Variants in BCL2L15 observed in about 807,000 individuals in gnomAD.
BCL2L15 encodes BCL2 like 15, also known as bcl-2-like protein 15.
In BCL2L15, 15 loss-of-function variants were observed where a neutral mutation model predicts 18.3. That is an observed-to-expected ratio of 0.82 (90% CI 0.55 to 1.26). The LOEUF (loss-of-function observed/expected upper bound fraction) is 1.26, where lower values mean the gene tolerates loss of function less well. BCL2L15 is among the 50% of genes most tolerant of loss of function. The probability of loss-of-function intolerance (pLI) is 0.00; values close to 1 mark genes in which losing one functional copy is unlikely to be tolerated. For synonymous variants in BCL2L15, 58 were observed against 68.5 expected (o/e 0.85, Z 0.76); for missense variants, 180 against 201.7 (o/e 0.89, Z 0.65).
rs546717433 is a variant in BCL2L15, at chr1:113,884,781, G to GT, written c.249+1755dup. Among the ~76,000 whole-genome samples the GT allele has an allele frequency of 1.7e-3, 256 of 146,652 alleles. 4 individuals are homozygous for GT. In the East Asian group the frequency reaches 0.038, roughly 22 times the overall value. ...TCAAATTATTTATTTATTTATTTAT[G>GT]TTTTTTTTTTGGAGACAGAGTCTTG... On this transcript the variant is annotated intron_variant, in intron 2 of 3. Coordinates refer to ENST00000393316, the MANE Select transcript of BCL2L15 (RefSeq NM_001010922.3).
At position 113,876,846 on chromosome 1, in the gene BCL2L15, A is replaced by C. The variant is rs1666742142; in HGVS notation, c.*4277T>G. Among the ~76,000 whole-genome samples the C allele has an allele frequency of 6.6e-6, 1 of 152,184 alleles. No individual in the cohort carries two copies. The highest frequency in any genetic ancestry group is 1.5e-5 in the Non-Finnish European group (1 of 68,038). On this transcript the variant is annotated 3_prime_UTR_variant, in exon 4 of 4. Transcript: ENST00000393316. ...CAATCAGCTATTCATTCATTTAATGAATATTTTTAATATCGATGTACATGC... is the reference window on the plus strand; with the variant it reads ...CAATCAGCTATTCATTCATTTAATGCATATTTTTAATATCGATGTACATGC...
rs1185374233 is a variant in BCL2L15 at position 113,879,913 on chromosome 1, G to C, written c.*1210C>G. On this transcript the variant is annotated 3_prime_UTR_variant, in exon 4 of 4. Transcript: ENST00000393316. Reference sequence around the variant, plus strand: ...GTAATTTATCAATCTATTCTCTATAGTGATGGCTGTCACACTCTATATGTA... The same window carrying C: ...GTAATTTATCAATCTATTCTCTATACTGATGGCTGTCACACTCTATATGTA... The C allele has an allele frequency of 1.3e-5, 2 of 152,168 alleles. No individual in the cohort carries two copies. Among genetic ancestry groups the C allele is most frequent in the East Asian group, 3.9e-4 (2 of 5,192 alleles). The allele number at this position is 152,168 out of a possible 1,614,324, so 9.4% of individuals were successfully genotyped here.
chr1:113,885,250 C>T (rs1435043049), intron 2 of BCL2L15, among the ~76,000 whole-genome samples: 2 of 131,924 alleles, frequency 1.5e-5, no homozygotes, highest in African/African-American at 2.5e-5. Context: ...GCCACAGCAC[C>T]CAGCCAAAAA....
chr1:113,882,846 T>G (rs1217422), intron 2 of BCL2L15, among the ~76,000 whole-genome samples: 115,233 of 151,848 alleles, frequency 0.76, 44,741 homozygotes, highest in African/African-American at 0.93. Context: ...AGGCTGAGGT[T>G]GGAGGATCAC....
rs987696856 is a variant in BCL2L15, at chr1:113,877,086, T to C, written c.*4037A>G. Among the ~76,000 whole-genome samples, 4 of 152,156 alleles carry C rather than the reference T, an allele frequency of 2.6e-5. No individual in the cohort carries two copies. The South Asian group carries it at 8.3e-4, about 32-fold the overall frequency. Reference sequence around the variant, plus strand: ...GATAGCCTTCATGGAGAAGGCTTCATGACAGTTGGGTTGGGTCTTGAAGAT... The same window carrying C: ...GATAGCCTTCATGGAGAAGGCTTCACGACAGTTGGGTTGGGTCTTGAAGAT... On this transcript the variant is annotated 3_prime_UTR_variant, in exon 4 of 4. Coordinates refer to ENST00000393316, the MANE Select transcript of BCL2L15 (RefSeq NM_001010922.3).
chr1:113,881,986 T>C lies in BCL2L15; in HGVS notation c.261A>G (p.Ile87Met), dbSNP rs1666892071. Reference sequence around the variant, plus strand: ...TGAGAGATTCCACAGTGTCCTGGAGTATAGCTCCTGTCTGAGGAAAGACAA... The same window carrying C: ...TGAGAGATTCCACAGTGTCCTGGAGCATAGCTCCTGTCTGAGGAAAGACAA... Reference protein sequence around the residue: ...AETIKGQTGAILQDTVESLSK... With the variant: ...AETIKGQTGAMLQDTVESLSK... Residue 87 changes from isoleucine (I) to methionine (M), a missense_variant, in exon 3 of 4, where the codon ATA (isoleucine) becomes ATG (methionine). Coordinates refer to ENST00000393316, the MANE Select transcript of BCL2L15 (RefSeq NM_001010922.3). The C allele has an allele frequency of 1.2e-6, 2 of 1,612,762 alleles. No individual in the cohort carries two copies. The highest frequency in any genetic ancestry group is 1.1e-5 in the South Asian group (1 of 90,986).
At chr1:113,883,222 C>T (rs1666932688) in intron 2 of BCL2L15, among the ~76,000 whole-genome samples, 1 of 152,100 alleles carries the variant, frequency 6.6e-6, no homozygotes. Flanking sequence ...GTGGCTCAGG[C>T]CTGTAATCCC....
intron 2 of BCL2L15, among the ~76,000 whole-genome samples, chr1:113,886,016 C>T (rs897575123): frequency 2.0e-5 from 3 of 151,222 alleles, no homozygotes; most frequent in South Asian, 2.1e-4. Flanking sequence ...AAGACCAGCC[C>T]GGGCAACATG....
rs757880844 is a variant in BCL2L15 at position 113,887,293 on chromosome 1, T to A, written c.83A>T (p.Gln28Leu). Residue 28 changes from glutamine to leucine, a missense_variant, in exon 1 of 4, where the codon CAG becomes CTG. Transcript: ENST00000393316. ...ACAGCATAGGTTCCGGCTGGCAACC[T>A]GCAATGTTGGGCTCAAGAAGTCCAT... ...LLMDFLSPTLQVASRNLCCVD... is the reference protein window; with the variant it reads ...LLMDFLSPTLLVASRNLCCVD... 3 of 1,614,080 alleles carry A rather than the reference T, an allele frequency of 1.9e-6. No individual in the cohort carries two copies. The African/African-American group carries it at 4.0e-5, about 22-fold the overall frequency.
chr1:113,881,848 C>A lies in BCL2L15; in HGVS notation c.399G>T (p.Gln133His), dbSNP rs770499396. 5 of 1,614,220 alleles carry A rather than the reference C, an allele frequency of 3.1e-6. No homozygotes were observed. The South Asian group carries it at 5.5e-5, about 18-fold the overall frequency. ...TCATACCCGTCATGGGGATAGCCAC[C>A]TGTCCCACTACTTCAGGAGCAATGT... The part of the protein sequence containing the change: ...MAHIAPEVVG[Q>H]VAIPMTGMIN... Residue 133 changes from glutamine (Q) to histidine (H), a missense_variant, in exon 3 of 4, where the codon CAG becomes CAT. Physicochemically the swap from Gln to His is conservative, Grantham distance 24. Transcript: ENST00000393316.
chr1:113,877,816 G>A lies in BCL2L15; in HGVS notation c.*3307C>T, dbSNP rs1028292919. On this transcript the variant is annotated 3_prime_UTR_variant, in exon 4 of 4. Transcript: ENST00000393316. ...GTAGAAGAACCAGGACAAAAATGAA[G>A]TAACAAATGAGAAAAACTAGTTGGG... Among the ~76,000 whole-genome samples the A allele has an allele frequency of 2.0e-4, 30 of 152,102 alleles. No homozygotes were observed. The highest frequency in any genetic ancestry group is 7.0e-4 in the African/African-American group (29 of 41,428).
rs1666788754 is a variant in BCL2L15, at chr1:113,878,766, C to T, written c.*2357G>A. 1 of 152,024 alleles carries T rather than the reference C, an allele frequency of 6.6e-6. No individual in the cohort carries two copies. Among genetic ancestry groups the T allele is most frequent in the Admixed American group, 6.6e-5 (1 of 15,242 alleles). 9.4% of individuals were successfully genotyped at this position (152,024 alleles called of 1,614,324 possible). A position where few individuals can be genotyped will look rare whatever the true frequency, so the allele number is the denominator to read the frequency against. On this transcript the variant is annotated 3_prime_UTR_variant, in exon 4 of 4. Transcript: ENST00000393316. ...CTGGTAGCCAAAAATATAATTTCTA[C>T]TAAAGAGAAACAGGACACATCATTT... is the stretch of plus-strand genomic sequence containing the variant.
intron 3 of BCL2L15, 181 bp downstream of exon 3, chr1:113,881,592 G>A: frequency 7.0e-7 from 1 of 1,425,872 alleles, no homozygotes. Flanking sequence ...ACATCCACAG[G>A]CTGAGCTTCT....
In BCL2L15 at chr1:113,887,321, G is replaced by A; in HGVS notation, c.55C>T (p.Leu19Phe). 1.2e-6 allele frequency: 2 copies of A among 1,614,190 alleles called. No homozygotes were observed. The highest frequency in any genetic ancestry group is 1.7e-6 in the Non-Finnish European group (2 of 1,180,022). ...AATGTTGGGCTCAAGAAGTCCATGAGTAGAGTGTTCACAATGCATTCCGTT... is the reference window on the plus strand; with the variant it reads ...AATGTTGGGCTCAAGAAGTCCATGAATAGAGTGTTCACAATGCATTCCGTT... ...EQTECIVNTL[L>F]MDFLSPTLQV... Residue 19 changes from leucine to phenylalanine, a missense_variant, in exon 1 of 4, where the codon CTC becomes TTC. By Grantham distance (22) the Leu-to-Phe change is conservative. Transcript: ENST00000393316.
chr1:113,887,144 C>A (rs1667061666), intron 1 of BCL2L15, 105 bp downstream of exon 1: 2 of 1,056,864 alleles, frequency 1.9e-6, no homozygotes. Context: ...GTGATCCACC[C>A]ACCTTGGCCT....
chr1:113,887,099 C>T (rs1185574301), intron 1 of BCL2L15, 150 bp downstream of exon 1: 4 of 668,830 alleles, frequency 6.0e-6, no homozygotes, highest in African/African-American at 1.8e-5. Context: ...GGTTTCACCA[C>T]GTTGGCCAGG....
At chr1:113,887,005 C>T (rs1667056564) in intron 1 of BCL2L15, among the ~76,000 whole-genome samples, 1 of 151,806 alleles carries the variant, frequency 6.6e-6, no homozygotes, top group South Asian at 2.1e-4. Flanking sequence ...TCAAGCAATT[C>T]TCATGCCTCA....
At position 113,887,492 on chromosome 1, in the gene BCL2L15, A is replaced by T; in HGVS notation, c.-117T>A. ...TTTCTACCTCTTGTAGTTTCCTGACATGTAATCCTGGAACTTTTCCCACTA... is the reference window on the plus strand; with the variant it reads ...TTTCTACCTCTTGTAGTTTCCTGACTTGTAATCCTGGAACTTTTCCCACTA... On this transcript the variant is annotated 5_prime_UTR_variant, in exon 1 of 4. An upstream start codon of the reference 5' UTR is lost. Coordinates refer to ENST00000393316, the MANE Select transcript of BCL2L15 (RefSeq NM_001010922.3). 7.1e-7 allele frequency: 1 copy of T among 1,416,232 alleles called. No individual in the cohort carries two copies. The highest frequency in any genetic ancestry group is 1.9e-5 in the Admixed American group (1 of 52,534). The allele number at this position is 1,416,232 out of a possible 1,614,324, so 87.7% of individuals were successfully genotyped here. A position where few individuals can be genotyped will look rare whatever the true frequency, so the allele number is the denominator to read the frequency against.
chr1:113,887,514 A>C lies in BCL2L15; in HGVS notation c.-139T>G. ...GACATGTAATCCTGGAACTTTTCCC[A>C]CTAGCTTTCTTCAAACACAGCTGCT... On this transcript the variant is annotated 5_prime_UTR_variant, in exon 1 of 4. Coordinates refer to ENST00000393316, the MANE Select transcript of BCL2L15 (RefSeq NM_001010922.3). The C allele has an allele frequency of 8.4e-7, 1 of 1,194,764 alleles. No homozygotes were observed. The highest frequency in any genetic ancestry group is 1.4e-5 in the South Asian group (1 of 70,354). 74.0% of individuals were successfully genotyped at this position (1,194,764 alleles called of 1,614,324 possible). A position where few individuals can be genotyped will look rare whatever the true frequency, so the allele number is the denominator to read the frequency against.
Sources: allele counts gnomAD v4.1 joint callset (sites outside exome capture counted in the v4.1 genomes callset), GRCh38; gene constraint gnomAD v4.1.1; transcripts MANE v1.5; gene names NCBI Gene and HGNC (gene_info 2026-07-23, HGNC 2026-07-21).